Variants in TAF6L observed in about 807,000 individuals in gnomAD.
The protein encoded by TAF6L is TATA-box binding protein associated factor 6 like.
In TAF6L, 34 loss-of-function variants were observed where a neutral mutation model predicts 57.3. That is an observed-to-expected ratio of 0.59 (90% CI 0.45 to 0.79). The LOEUF is 0.79. Ranked by LOEUF, TAF6L falls within the 30% of genes least tolerant of loss-of-function variation. TAF6L has a pLI of 0.00. For missense variants in TAF6L, 782 were observed against 853.2 expected (o/e 0.92, Z 1.04); for synonymous variants, 417 against 376.3 (o/e 1.11, Z -1.25).
chr11:62,787,041 C>T lies in TAF6L; in HGVS notation c.1614C>T (p.Gly538=). 2 of 1,517,512 alleles carry T rather than the reference C, an allele frequency of 1.3e-6. No individual in the cohort carries two copies. Among genetic ancestry groups the T allele is most frequent in the Non-Finnish European group, 1.8e-6 (2 of 1,140,218 alleles). The allele number at this position is 1,517,512 out of a possible 1,614,324, so 94.0% of individuals were successfully genotyped here. ...CGCGCGGGGCACCCCGGCAGCAGGGCCCCGGGACCGGCACCCGCGACGTTT... is the reference window on the plus strand; with the variant it reads ...CGCGCGGGGCACCCCGGCAGCAGGGTCCCGGGACCGGCACCCGCGACGTTT... ...HRARGAPRQQ[G]PGTGTRDVFQ... is the part of the protein sequence containing the mutation. The change falls in exon 11 of 11, where the codon GGC becomes GGT. Residue 538 remains glycine, a synonymous_variant. Coordinates refer to ENST00000294168, the MANE Select transcript of TAF6L (RefSeq NM_006473.4).
chr11:62,781,876 C>G lies in TAF6L; in HGVS notation c.532-18C>G. 3.7e-6 allele frequency: 6 copies of G among 1,613,076 alleles called. 1 individual carries two copies. Among genetic ancestry groups the G allele is most frequent in the Non-Finnish European group, 4.2e-6 (5 of 1,179,090 alleles). The stretch of plus-strand genomic sequence containing the variant: ...AATTTTCTGGTGGATCCAATGCAGT[C>G]TGGGCCCTTCCTTTTAGGTTGCACT... On this transcript the variant is annotated intron_variant, in intron 6 of 10. Coordinates refer to ENST00000294168, the MANE Select transcript of TAF6L (RefSeq NM_006473.4).
intron 6 of TAF6L, among the ~76,000 whole-genome samples, chr11:62,781,172 G>A (rs1401245908): frequency 6.6e-6 from 1 of 150,612 alleles, no homozygotes; most frequent in Non-Finnish European, 1.5e-5. Context: ...GGAGGCAGAG[G>A]TTGCAGTGAG....
rs2084235193 is a variant in TAF6L, at chr11:62,782,194, T to G, written c.688T>G (p.Cys230Gly). Residue 230 changes from cysteine to glycine, a missense_variant, in exon 8 of 11, where the codon TGC becomes GGC. Cys to Gly is a radical substitution (Grantham distance 159). Around this residue, in one of 3 missense-constraint regions of TAF6L, gnomAD observed 79 missense variants for 156.0 expected, o/e 0.51. Transcript: ENST00000294168. ...GAGCCTATTTCGTAATCCGCACCTG[T>G]GCTTGGGGCCCTATGTCCGCTGTCT... The part of the protein sequence containing the change: ...ARSLFRNPHL[C>G]LGPYVRCLVG... The G allele has an allele frequency of 6.2e-7, 1 of 1,614,048 alleles. No individual in the cohort carries two copies. Among genetic ancestry groups the G allele is most frequent in the African/African-American group, 1.3e-5 (1 of 74,924 alleles).
At position 62,786,537 on chromosome 11, in the gene TAF6L, G is replaced by A. The variant is rs1015618757; in HGVS notation, c.1110G>A (p.Leu370=). 11 of 1,551,778 alleles carry A rather than the reference G, an allele frequency of 7.1e-6. No individual in the cohort carries two copies. The highest frequency in any genetic ancestry group is 1.9e-5 in the Admixed American group (1 of 52,788). The change falls in exon 11 of 11, where the codon CTG becomes CTA. Residue 370 remains leucine, a synonymous_variant. Transcript: ENST00000294168. ...GAILVAVERL[L]KMKAQAAEPN... is the part of the protein sequence containing the mutation. ...TACAGGTGGCGGTAGAGCGACTGCT[G>A]AAGATGAAGGCCCAGGCAGCAGAGC...
chr11:62,776,391 C>T lies in TAF6L; in HGVS notation c.155C>T (p.Ser52Phe). 2 of 1,613,562 alleles carry T rather than the reference C, an allele frequency of 1.2e-6. No homozygotes were observed. Among genetic ancestry groups the T allele is most frequent in the Non-Finnish European group, 1.7e-6 (2 of 1,179,608 alleles). Residue 52 changes from serine (S) to phenylalanine (F), a missense_variant, in exon 3 of 11, where the codon TCT becomes TTT. Transcript: ENST00000294168. Reference sequence around the variant, plus strand: ...TTGTTCCCTCCCTCCCAGAATAGCTCTCAGTTCATGAAGCACACCAAACGC... The same window carrying T: ...TTGTTCCCTCCCTCCCAGAATAGCTTTCAGTTCATGAAGCACACCAAACGC... Reference protein sequence around the residue: ...YRLREATQNSSQFMKHTKRRK... With the variant: ...YRLREATQNSFQFMKHTKRRK...
At chr11:62,782,633 G>A (rs2084238856) in intron 8 of TAF6L, 60 bp from the exon 9 acceptor site, 1 of 1,593,512 alleles carries the variant, frequency 6.3e-7, no homozygotes. Context: ...GTGTTGTCTT[G>A]TGCCCTGTTG....
intron 1 of TAF6L, chr11:62,771,841 G>GCC (rs1296183879): frequency 3.3e-6 from 1 of 300,896 alleles, no homozygotes; most frequent in Admixed American, 4.6e-5. Flanking sequence ...CTCCCTCCGT[G>GCC]CCTTTCGCGC....
At chr11:62,776,345 C>T (rs1033111752) in intron 2 of TAF6L, 39 bp from the exon 3 acceptor site, 11 of 1,607,810 alleles carry the variant, frequency 6.8e-6, no homozygotes, top group Non-Finnish European at 9.4e-6. Context: ...CCCCCTGCTT[C>T]ACATCCTTTG....
rs535641519 is a variant in TAF6L, at chr11:62,782,545, C to G, written c.828-148C>G. On this transcript the variant is annotated intron_variant, in intron 8 of 10. Transcript: ENST00000294168. ...GTATTGGTTCTTCAGCCCTCAGGTC[C>G]TAGGCCAGTCACCCCTGGCAGCCTT... 1.4e-5 allele frequency: 17 copies of G among 1,238,814 alleles called. No homozygotes were observed. The African/African-American group carries it at 2.4e-4, about 17-fold the overall frequency. 76.7% of individuals were successfully genotyped at this position (1,238,814 alleles called of 1,614,324 possible).
chr11:62,779,698 C>G (rs1051029271), intron 6 of TAF6L, among the ~76,000 whole-genome samples: 3 of 151,286 alleles, frequency 2.0e-5, no homozygotes, highest in African/African-American at 4.9e-5. Context: ...TGGGGTCTTG[C>G]TCTGTCACCT....
rs1044906786 is a variant in TAF6L, at chr11:62,782,271, C to A, written c.765C>A (p.Asn255Lys). 6.2e-7 allele frequency: 1 copy of A among 1,614,188 alleles called. No homozygotes were observed. ...TGGAGCCACTGGCTGCCTCCATCAA[C>A]CCCCTGAATGACCACTGGACTCTGC... ...CVLEPLAASINPLNDHWTLRD... is the reference protein window; with the variant it reads ...CVLEPLAASIKPLNDHWTLRD... Residue 255 changes from asparagine (N) to lysine (K), a missense_variant, in exon 8 of 11, where the codon AAC becomes AAA. Around this residue, in one of 3 missense-constraint regions of TAF6L, gnomAD observed 79 missense variants for 156.0 expected, o/e 0.51. Transcript: ENST00000294168.
intron 6 of TAF6L, 25 bp from the exon 7 acceptor site, chr11:62,781,869 A>G (rs376643499): frequency 1.1e-5 from 18 of 1,610,390 alleles, no homozygotes; most frequent in African/African-American, 2.7e-5. Context: ...GGTGGATCCA[A>G]TGCAGTCTGG....
chr11:62,782,904 T>C (rs2084241151), intron 9 of TAF6L, 79 bp downstream of exon 9: 1 of 1,565,806 alleles, frequency 6.4e-7, no homozygotes. Context: ...CATCGTTATC[T>C]CCAAAATAGT....
chr11:62,785,346 C>T (rs752668296), intron 9 of TAF6L, among the ~76,000 whole-genome samples: 13 of 150,184 alleles, frequency 8.7e-5, no homozygotes, highest in Non-Finnish European at 1.9e-4. Flanking sequence ...CGCTCACCAC[C>T]ATACCTGGCT....
intron 1 of TAF6L, chr11:62,771,708 A>G: frequency 5.3e-6 from 1 of 187,828 alleles, no homozygotes; most frequent in Non-Finnish European, 1.1e-5. Flanking sequence ...CGGCCCGCGG[A>G]GGTCAGTTCC....
rs142098099 is a variant in TAF6L, at chr11:62,786,554, C to T, written c.1127C>T (p.Ala376Val). Residue 376 changes from alanine (A) to valine (V), a missense_variant, in exon 11 of 11, where the codon GCA (alanine) becomes GTA (valine). Physicochemically the swap from Ala to Val is moderately conservative, Grantham distance 64 (BLOSUM62 0). Transcript: ENST00000294168. The stretch of plus-strand genomic sequence containing the variant: ...CGACTGCTGAAGATGAAGGCCCAGG[C>T]AGCAGAGCCCAACAGGGGTGGCCCA... ...VERLLKMKAQ[A>V]AEPNRGGPGG... 125 of 1,556,868 alleles carry T rather than the reference C, an allele frequency of 8.0e-5. 1 individual carries two copies. In the African/African-American group the frequency reaches 1.5e-3, roughly 19 times the overall value.
At chr11:62,781,120 C>T (rs2084226290) in intron 6 of TAF6L, among the ~76,000 whole-genome samples, 2 of 149,656 alleles carry the variant, frequency 1.3e-5, no homozygotes, top group Admixed American at 1.3e-4. Context: ...CCTGTAATCC[C>T]AGCTACTTGG....
chr11:62,787,265 T>C lies in TAF6L; in HGVS notation c.1838T>C (p.Leu613Pro), dbSNP rs777191701. The change falls in exon 11 of 11, where the codon CTC (leucine) becomes CCC (proline). Residue 613 changes from leucine (L) to proline (P), a missense_variant. Coordinates refer to ENST00000294168, the MANE Select transcript of TAF6L (RefSeq NM_006473.4). Reference sequence around the variant, plus strand: ...AGCCGCCCCGCCCGCCGGTGGGCGCTCTCGGACTACTCGCTGTACTTGCCG... The same window carrying C: ...AGCCGCCCCGCCCGCCGGTGGGCGCCCTCGGACTACTCGCTGTACTTGCCG... ...RTSRPARRWA[L>P]SDYSLYLPL 1.9e-6 allele frequency: 3 copies of C among 1,563,532 alleles called. No individual in the cohort carries two copies. Among genetic ancestry groups the C allele is most frequent in the Non-Finnish European group, 2.6e-6 (3 of 1,163,128 alleles).
At chr11:62,783,221 G>A (rs1368193402) in intron 9 of TAF6L, among the ~76,000 whole-genome samples, 1 of 152,186 alleles carries the variant, frequency 6.6e-6, no homozygotes, top group Admixed American at 6.5e-5. Flanking sequence ...AGTGGCTCAC[G>A]CCTGTAATCC....
Sources: allele counts gnomAD v4.1 joint callset (sites outside exome capture counted in the v4.1 genomes callset), GRCh38; gene constraint gnomAD v4.1.1; regional missense constraint gnomAD v4.1.1; transcripts MANE v1.5; gene names NCBI Gene and HGNC (gene_info 2026-07-23, HGNC 2026-07-21).